Variants in NALCN observed in about 807,000 individuals in gnomAD.
The protein encoded by NALCN is sodium leak channel NALCN.
In NALCN, 111 loss-of-function variants were observed where a neutral mutation model predicts 225.3. The ratio of observed to expected loss-of-function variants is 0.49; its 90% CI spans 0.42 to 0.58. The LOEUF (loss-of-function observed/expected upper bound fraction) is 0.58, where lower values mean the gene tolerates loss of function less well. Ranked by LOEUF, NALCN falls within the 20% of genes least tolerant of loss-of-function variation. The pLI, the probability that NALCN is intolerant of heterozygous loss-of-function variation, is 0.00. For missense variants in NALCN, 1,378 were observed against 2,202.4 expected (o/e 0.63, Z 7.49); for synonymous variants, 764 against 769.0 (o/e 0.99, Z 0.11).
intron 40 of NALCN, among the ~76,000 whole-genome samples, chr13:101,063,764 G>A (rs1005426211): frequency 6.6e-6 from 1 of 150,798 alleles, no homozygotes; most frequent in Non-Finnish European, 1.5e-5. Context: ...GCATATTTCT[G>A]TACACCTGAG....
intron 7 of NALCN, among the ~76,000 whole-genome samples, chr13:101,335,320 A>C (rs1183134526): frequency 6.6e-6 from 1 of 152,174 alleles, no homozygotes; most frequent in African/African-American, 2.4e-5. Flanking sequence ...CAGTTTAAGT[A>C]AGTCTGTGGC....
intron 13 of NALCN, among the ~76,000 whole-genome samples, chr13:101,225,345 T>C (rs920971646): frequency 6.6e-6 from 1 of 152,182 alleles, no homozygotes; most frequent in Admixed American, 6.5e-5. Context: ...TAGTTTATCT[T>C]TCTCCCTCCG....
chr13:101,116,616 T>A lies in NALCN; in HGVS notation c.2193-5390A>T, dbSNP rs1377908265. Reference sequence around the variant, plus strand: ...TTCTGTAATGAAAGGGAGAGGCCTATGAGTCTTCAAATTATTTTCACTCAT... The same window carrying A: ...TTCTGTAATGAAAGGGAGAGGCCTAAGAGTCTTCAAATTATTTTCACTCAT... On this transcript the variant is annotated intron_variant, in intron 18 of 43. Coordinates refer to ENST00000251127, the MANE Select transcript of NALCN (RefSeq NM_052867.4). 5 of 483,734 alleles carry A rather than the reference T, an allele frequency of 1.0e-5. No homozygotes were observed. In the Admixed American group the frequency reaches 1.2e-4, roughly 11 times the overall value. The allele number at this position is 483,734 out of a possible 1,614,324, so 30.0% of individuals were successfully genotyped here. A position where few individuals can be genotyped will look rare whatever the true frequency, so the allele number is the denominator to read the frequency against.
At chr13:101,176,142 TAGATA>T (rs1277415272) in intron 15 of NALCN, among the ~76,000 whole-genome samples, 153 bp downstream of exon 15, 4 of 152,206 alleles carry the variant, frequency 2.6e-5, no homozygotes, top group Non-Finnish European at 4.4e-5. Flanking sequence ...TTGTTAATAT[TAGATA>T]AAAGTTAAAC....
At chr13:101,398,429 C>T (rs2047376294) in intron 2 of NALCN, among the ~76,000 whole-genome samples, 1 of 152,052 alleles carries the variant, frequency 6.6e-6, no homozygotes, top group Non-Finnish European at 1.5e-5. Flanking sequence ...GCTGAGATTC[C>T]AGCACTCATG....
intron 7 of NALCN, among the ~76,000 whole-genome samples, chr13:101,319,526 T>C (rs2044671512): frequency 6.6e-6 from 1 of 152,222 alleles, no homozygotes; most frequent in African/African-American, 2.4e-5. Flanking sequence ...CTAAATATAC[T>C]TTGTTATATT....
At chr13:101,277,740 T>C (rs1415637639) in intron 10 of NALCN, among the ~76,000 whole-genome samples, 3 of 152,230 alleles carry the variant, frequency 2.0e-5, no homozygotes, top group African/African-American at 4.8e-5. Flanking sequence ...TTCCACACGA[T>C]AGAGTCACGG....
rs10549837 is a variant in NALCN at position 101,289,525 on chromosome 13, CATATAT to C, written c.1047+2459_1047+2464del. Among the ~76,000 whole-genome samples, 236 of 140,862 alleles carry C rather than the reference CATATAT, an allele frequency of 1.7e-3. 2 individuals are homozygous for C. The highest frequency in any genetic ancestry group is 5.4e-3 in the African/African-American group (208 of 38,436). 92.4% of individuals were successfully genotyped at this position (140,862 alleles called of 152,430 possible). A position where few individuals can be genotyped will look rare whatever the true frequency, so the allele number is the denominator to read the frequency against. ...GCCCCTTCTTTGTTCTGAAAATGTG[CATATAT>C]ATATATATATATATATATACACATA... On this transcript the variant is annotated intron_variant, in intron 9 of 43. Coordinates refer to ENST00000251127, the MANE Select transcript of NALCN (RefSeq NM_052867.4).
intron 17 of NALCN, among the ~76,000 whole-genome samples, chr13:101,126,455 T>C (rs201570820): frequency 6.6e-6 from 1 of 152,072 alleles, no homozygotes; most frequent in East Asian, 1.9e-4. Flanking sequence ...TCTTGAAACT[T>C]TCCTACTTCT....
intron 1 of NALCN, among the ~76,000 whole-genome samples, chr13:101,413,579 G>C (rs971083570): frequency 6.6e-6 from 1 of 151,878 alleles, no homozygotes; most frequent in Non-Finnish European, 1.5e-5. Flanking sequence ...CAGTATAAAA[G>C]TTGTCCAATG....
intron 7 of NALCN, among the ~76,000 whole-genome samples, chr13:101,296,806 C>A (rs1263774156): frequency 6.6e-6 from 1 of 152,214 alleles, no homozygotes; most frequent in Non-Finnish European, 1.5e-5. Flanking sequence ...GCAATCACAA[C>A]AATGATACTC....
At chr13:101,198,769 G>T (rs2039992208) in intron 13 of NALCN, among the ~76,000 whole-genome samples, 1 of 152,174 alleles carries the variant, frequency 6.6e-6, no homozygotes, top group Non-Finnish European at 1.5e-5. Context: ...ATTACCATTT[G>T]ACCCAGCCAT....
intron 7 of NALCN, among the ~76,000 whole-genome samples, chr13:101,323,240 T>C (rs1327990056): frequency 6.6e-6 from 1 of 152,224 alleles, no homozygotes; most frequent in Non-Finnish European, 1.5e-5. Context: ...AGGTAGAGAC[T>C]GATGAATAAT....
chr13:101,302,550 A>G (rs2044009808), intron 7 of NALCN, among the ~76,000 whole-genome samples: 1 of 152,220 alleles, frequency 6.6e-6, no homozygotes, highest in Non-Finnish European at 1.5e-5. Context: ...CATGGAATTA[A>G]CTAAAAATAA....
In NALCN at chr13:101,339,812, T is replaced by C. The variant is rs1257618126; in HGVS notation, c.799+5454A>G. The stretch of plus-strand genomic sequence containing the variant: ...AATGTTGATCAGATTCTAGAGAGAT[T>C]GGTACAAGCACAGAAGTCAGGACAT... On this transcript the variant is annotated intron_variant, in intron 7 of 43. Transcript: ENST00000251127. Among the ~76,000 whole-genome samples the C allele has an allele frequency of 5.3e-5, 8 of 152,258 alleles. No individual in the cohort carries two copies. In the East Asian group the frequency reaches 1.2e-3, roughly 22 times the overall value.
chr13:101,083,832 G>A (rs2033791275), intron 30 of NALCN, 28 bp from the exon 31 acceptor site: 3 of 1,606,868 alleles, frequency 1.9e-6, no homozygotes, highest in African/African-American at 2.7e-5. Flanking sequence ...AGCAGGAAAA[G>A]GCCTTTTGTC....
intron 7 of NALCN, among the ~76,000 whole-genome samples, chr13:101,327,387 G>GGA (rs1206969909): frequency 5.3e-5 from 8 of 151,522 alleles, no homozygotes. Flanking sequence ...AAAACATTGG[G>GGA]GGGGATGATA....
Position 101,100,704 on chromosome 13 carries a change from C to T in NALCN, c.3162+80G>A, listed in dbSNP as rs946895313. On this transcript the variant is annotated intron_variant, in intron 27 of 43. Transcript: ENST00000251127. ...AAGTAATCTTCCCTCCTTGGCATTCCAAAGTGCTAGGATTGTAGGCACATG... is the reference window on the plus strand; with the variant it reads ...AAGTAATCTTCCCTCCTTGGCATTCTAAAGTGCTAGGATTGTAGGCACATG... The T allele has an allele frequency of 4.1e-6, 5 of 1,217,484 alleles. No homozygotes were observed. In the African/African-American group the frequency reaches 7.7e-5, roughly 19 times the overall value. The allele number at this position is 1,217,484 out of a possible 1,614,324, so 75.4% of individuals were successfully genotyped here.
At chr13:101,220,520 A>G (rs373390622) in intron 13 of NALCN, among the ~76,000 whole-genome samples, 11 of 152,194 alleles carry the variant, frequency 7.2e-5, no homozygotes, top group Admixed American at 5.2e-4. Context: ...CTCTTCATGG[A>G]TTTCACCTTT....
Sources: gnomAD v4.1 joint callset for allele counts (sites outside exome capture counted in the v4.1 genomes callset) on GRCh38, gnomAD v4.1.1 for gene constraint, MANE v1.5 for transcripts, NCBI Gene and HGNC (gene_info 2026-07-23, HGNC 2026-07-21) for gene names.